The following PTPRD variants were observed in gnomAD, a reference collection of about 807,000 sequenced individuals.
The protein encoded by PTPRD is receptor-type tyrosine-protein phosphatase delta.
PTPRD carries 34 observed loss-of-function variants against 214.5 expected under a neutral mutation model. That is an observed-to-expected ratio of 0.16 (90% CI 0.12 to 0.21). PTPRD has a LOEUF of 0.21. Among genes scored for constraint, PTPRD ranks in the 10% least tolerant of loss-of-function variants. PTPRD has a pLI of 1.00. For synonymous variants in PTPRD, 1,128 were observed against 845.7 expected, an observed-to-expected ratio of 1.33 and a Z score of -5.79; for missense variants, 2,545 against 2,398.7, an observed-to-expected ratio of 1.06 and a Z score of -1.27.
intron 14 of PTPRD, among the ~76,000 whole-genome samples, chr9:8,547,702 T>C (rs1177712979): frequency 6.6e-6 from 1 of 150,636 alleles, no homozygotes; most frequent in African/African-American, 2.4e-5. Context: ...GTCACAGGCA[T>C]TGGATTTAAT....
intron 8 of PTPRD, 128 bp from the exon 9 acceptor site, chr9:9,397,610 A>G (rs1378504954): frequency 6.6e-6 from 1 of 152,232 alleles, no homozygotes; most frequent in Non-Finnish European, 1.5e-5. Context: ...CAATGAAGAT[A>G]CGTTATCTGA....
intron 11 of PTPRD, among the ~76,000 whole-genome samples, chr9:8,837,402 T>C (rs546842137): frequency 6.6e-6 from 1 of 152,310 alleles, no homozygotes; most frequent in South Asian, 2.1e-4. Flanking sequence ...GAAAATAAAT[T>C]GAGACAAGAT....
chr9:9,807,738 A>T (rs1565417847), intron 5 of PTPRD, among the ~76,000 whole-genome samples: 1 of 152,214 alleles, frequency 6.6e-6, no homozygotes, highest in Admixed American at 6.5e-5. Flanking sequence ...GTGATTCTTG[A>T]TCGCTGAAAA....
intron 10 of PTPRD, among the ~76,000 whole-genome samples, chr9:9,162,868 A>C (rs1170251489): frequency 1.3e-5 from 2 of 152,066 alleles, no homozygotes; most frequent in African/African-American, 4.8e-5. Flanking sequence ...CACACAGGTT[A>C]TCCAAGCTTA....
At chr9:8,765,885 G>A (rs1167467383) in intron 11 of PTPRD, among the ~76,000 whole-genome samples, 2 of 152,062 alleles carry the variant, frequency 1.3e-5, no homozygotes, top group African/African-American at 4.8e-5. Flanking sequence ...CAGCTTCTGG[G>A]CCTCATTTCT....
chr9:10,248,375 C>T (rs564864199), intron 3 of PTPRD, among the ~76,000 whole-genome samples: 1 of 151,986 alleles, frequency 6.6e-6, no homozygotes, highest in South Asian at 2.1e-4. Flanking sequence ...TTTGGCAGCA[C>T]TTATTGAAGA....
Position 9,203,884 on chromosome 9 carries a change from G to T in PTPRD, c.-202-20521C>A, listed in dbSNP as rs188468025. Reference sequence around the variant, plus strand: ...ATAGAAAAGCTAATTTGAGTGTAGAGTATGAGAAGAATTGGAGAAAGAAAA... The same window carrying T: ...ATAGAAAAGCTAATTTGAGTGTAGATTATGAGAAGAATTGGAGAAAGAAAA... On this transcript the variant is annotated intron_variant, in intron 9 of 45. Transcript: ENST00000381196. Among the ~76,000 whole-genome samples the T allele has an allele frequency of 5.1e-3, 782 of 152,288 alleles. 5 individuals are homozygous for T. The highest frequency in any genetic ancestry group is 0.017 in the African/African-American group (719 of 41,556).
intron 3 of PTPRD, among the ~76,000 whole-genome samples, chr9:10,144,097 GA>G (rs1035484635): frequency 1.3e-5 from 2 of 151,682 alleles, no homozygotes; most frequent in African/African-American, 2.4e-5. Flanking sequence ...AATTACTAAA[GA>G]AAAAAATAAA....
At chr9:9,991,877 A>C (rs559532445) in intron 4 of PTPRD, among the ~76,000 whole-genome samples, 3 of 150,206 alleles carry the variant, frequency 2.0e-5, no homozygotes, top group Non-Finnish European at 3.0e-5. Context: ...CACGAGTTCC[A>C]AATGGCCATT....
At chr9:9,385,068 T>C (rs2063475176) in intron 9 of PTPRD, among the ~76,000 whole-genome samples, 1 of 152,138 alleles carries the variant, frequency 6.6e-6, no homozygotes, top group Admixed American at 6.6e-5. Flanking sequence ...CTGAAGCTCT[T>C]TCATAGGTTG....
chr9:9,275,086 TATATGTTATATATATA>T (rs1944605867), intron 9 of PTPRD, among the ~76,000 whole-genome samples: 1 of 70,098 alleles, frequency 1.4e-5, no homozygotes, highest in Non-Finnish European at 2.7e-5. Context: ...ATATATAATA[TATATGTTATATATATA>T]ATATATTATA....
intron 5 of PTPRD, among the ~76,000 whole-genome samples, chr9:9,779,080 A>C (rs1363682482): frequency 2.3e-5 from 3 of 128,586 alleles, no homozygotes; most frequent in Middle Eastern, 3.7e-3. Context: ...AAGACTGACA[A>C]AAAAAAAAAA....
intron 5 of PTPRD, among the ~76,000 whole-genome samples, chr9:9,797,583 T>A (rs1311425844): frequency 6.6e-6 from 1 of 152,106 alleles, no homozygotes; most frequent in Non-Finnish European, 1.5e-5. Context: ...TGGTGGCTCA[T>A]GCCTGTAATC....
chr9:8,420,940 AG>A (rs1355060717), intron 35 of PTPRD, among the ~76,000 whole-genome samples: 2 of 151,976 alleles, frequency 1.3e-5, no homozygotes, highest in Non-Finnish European at 2.9e-5. Flanking sequence ...GATCACTGTC[AG>A]GGAGCTTGAT....
intron 5 of PTPRD, among the ~76,000 whole-genome samples, chr9:9,925,213 C>A (rs1215731237): frequency 1.3e-5 from 2 of 152,058 alleles, no homozygotes; most frequent in African/African-American, 4.8e-5. Context: ...TGTAGAGAGG[C>A]AGTAGTTGCC....
intron 11 of PTPRD, among the ~76,000 whole-genome samples, chr9:8,769,496 C>A (rs1473634361): frequency 6.6e-6 from 1 of 152,120 alleles, no homozygotes; most frequent in Non-Finnish European, 1.5e-5. Context: ...ACAACAAAGG[C>A]ATTTGTAGTT....
chr9:9,906,077 G>A (rs1028300637), intron 5 of PTPRD, among the ~76,000 whole-genome samples: 2 of 151,916 alleles, frequency 1.3e-5, no homozygotes, highest in African/African-American at 4.8e-5. Context: ...AAAAAATACA[G>A]GATGCCTGCG....
chr9:8,711,932 G>A (rs1200397997), intron 12 of PTPRD, among the ~76,000 whole-genome samples: 1 of 152,164 alleles, frequency 6.6e-6, no homozygotes, highest in Non-Finnish European at 1.5e-5. Flanking sequence ...ATTCTGCTCA[G>A]TGAAAGAAGC....
At position 10,227,887 on chromosome 9, in the gene PTPRD, G is replaced by A. The variant is rs1040565422; in HGVS notation, c.-545+113076C>T. The stretch of plus-strand genomic sequence containing the variant: ...TCCGGCCCTACTTGGCTGAGGACTC[G>A]CAAGACATTTCCCTACACATCGTCA... On this transcript the variant is annotated intron_variant, in intron 3 of 45. Transcript: ENST00000381196. 4.6e-5 allele frequency among the ~76,000 whole-genome samples: 7 copies of A among 151,746 alleles called. No homozygotes were observed. The South Asian group carries it at 6.3e-4, about 14-fold the overall frequency.
Sources: allele counts gnomAD v4.1 joint callset (sites outside exome capture counted in the v4.1 genomes callset), GRCh38; gene constraint gnomAD v4.1.1; transcripts MANE v1.5; gene names NCBI Gene and HGNC (gene_info 2026-07-23, HGNC 2026-07-21).